The following CSMD3 variants were observed in gnomAD, a reference collection of about 807,000 sequenced individuals.
The protein encoded by CSMD3 is CUB and sushi domain-containing protein 3.
A neutral mutation model predicts 435.2 loss-of-function variants in CSMD3; 177 were observed. The ratio of observed to expected loss-of-function variants is 0.41; its 90% CI spans 0.36 to 0.46. The LOEUF (loss-of-function observed/expected upper bound fraction) is 0.46. CSMD3 is among the 20% of genes least tolerant of loss of function. CSMD3 has a pLI of 0.34. For missense variants in CSMD3, 4,265 were observed against 4,504.6 expected (o/e 0.95, Z 1.52); for synonymous variants, 1,656 against 1,520.5 (o/e 1.09, Z -2.07).
chr8:112,859,293 A>T lies in CSMD3; in HGVS notation c.1634-27T>A, dbSNP rs1400632799. ...TAAAAGAGAAATTGCATTTTAAAAG[A>T]TGAACATATGTCACATGTAAAATTA... On this transcript the variant is annotated intron_variant, in intron 10 of 70. Transcript: ENST00000297405. 7 of 1,593,878 alleles carry T rather than the reference A, an allele frequency of 4.4e-6. No individual in the cohort carries two copies. In the African/African-American group the frequency reaches 6.7e-5, roughly 15 times the overall value.
At chr8:113,101,069 A>C (rs1032582950) in intron 4 of CSMD3, among the ~76,000 whole-genome samples, 2 of 152,088 alleles carry the variant, frequency 1.3e-5, no homozygotes, top group Non-Finnish European at 2.9e-5. Flanking sequence ...TCCTAACACT[A>C]ATTTGGCACT....
At chr8:112,598,551 A>C (rs1355878107) in intron 22 of CSMD3, among the ~76,000 whole-genome samples, 1 of 150,886 alleles carries the variant, frequency 6.6e-6, no homozygotes, top group Non-Finnish European at 1.5e-5. Context: ...AAAAGAGCCC[A>C]CATCGCCAAG....
intron 59 of CSMD3, among the ~76,000 whole-genome samples, chr8:112,275,674 A>G (rs1817977581): frequency 6.6e-6 from 1 of 152,182 alleles, no homozygotes; most frequent in African/African-American, 2.4e-5. Flanking sequence ...AAGAATGAGA[A>G]CCAAGCAAAA....
intron 13 of CSMD3, among the ~76,000 whole-genome samples, chr8:112,745,907 G>A (rs1478169423): frequency 6.6e-6 from 1 of 151,992 alleles, no homozygotes; most frequent in African/African-American, 2.4e-5. Context: ...AAGAACTAAA[G>A]AAACATTTTG....
chr8:112,798,119 T>C (rs1263442601), intron 13 of CSMD3, among the ~76,000 whole-genome samples: 1 of 151,828 alleles, frequency 6.6e-6, no homozygotes, highest in Non-Finnish European at 1.5e-5. Flanking sequence ...GAAGTCTTCA[T>C]AGAAGAGTAA....
intron 10 of CSMD3, among the ~76,000 whole-genome samples, chr8:112,892,107 T>C (rs1048896386): frequency 6.6e-6 from 1 of 151,660 alleles, no homozygotes; most frequent in Admixed American, 6.6e-5. Flanking sequence ...TATTTGTTTA[T>C]ATTTTCCATT....
At chr8:112,594,076 C>T (rs996948961) in intron 22 of CSMD3, among the ~76,000 whole-genome samples, 22 of 152,200 alleles carry the variant, frequency 1.4e-4, no homozygotes, top group Admixed American at 4.6e-4. Flanking sequence ...ACGCAGAACA[C>T]GGGTGATTTC....
At chr8:113,087,075 TAA>T (rs1588045989) in intron 5 of CSMD3, among the ~76,000 whole-genome samples, 1 of 152,202 alleles carries the variant, frequency 6.6e-6, no homozygotes. Context: ...TTTATTTTTT[TAA>T]GAGTCATTTT....
At chr8:113,270,742 G>A (rs549823553) in intron 3 of CSMD3, among the ~76,000 whole-genome samples, 4 of 151,270 alleles carry the variant, frequency 2.6e-5, no homozygotes, top group African/African-American at 4.9e-5. Context: ...ACCAAACACC[G>A]CATGTTCTCA....
intron 13 of CSMD3, among the ~76,000 whole-genome samples, chr8:112,739,415 C>G (rs966353208): frequency 2.6e-5 from 4 of 151,748 alleles, no homozygotes; most frequent in African/African-American, 9.7e-5. Flanking sequence ...CTAGAGCACC[C>G]TGCACTCTTC....
At chr8:113,307,440 A>G (rs1250202744) in intron 2 of CSMD3, among the ~76,000 whole-genome samples, 4 of 152,152 alleles carry the variant, frequency 2.6e-5, no homozygotes, top group Non-Finnish European at 4.4e-5. Context: ...CCTTCAGAAG[A>G]AAATACAGGA....
chr8:113,066,897 T>C (rs1216529365), intron 5 of CSMD3, among the ~76,000 whole-genome samples: 1 of 152,066 alleles, frequency 6.6e-6, no homozygotes, highest in Non-Finnish European at 1.5e-5. Flanking sequence ...TATTCCATAA[T>C]ACATTAGATC....
At chr8:112,673,047 G>A (rs1443183218) in intron 16 of CSMD3, among the ~76,000 whole-genome samples, 3 of 152,002 alleles carry the variant, frequency 2.0e-5, no homozygotes, top group African/African-American at 4.8e-5. Flanking sequence ...TTTTGCCATA[G>A]GTGAATTAAA....
chr8:113,339,049 ACTTC>A (rs1433834019), intron 1 of CSMD3, among the ~76,000 whole-genome samples: 2 of 151,990 alleles, frequency 1.3e-5, no homozygotes, highest in African/African-American at 4.8e-5. Flanking sequence ...ACAACTTAGC[ACTTC>A]CTTTGTGCAA....
intron 10 of CSMD3, among the ~76,000 whole-genome samples, chr8:112,908,510 C>G (rs1404899548): frequency 6.6e-6 from 1 of 151,470 alleles, no homozygotes; most frequent in Non-Finnish European, 1.5e-5. Context: ...TCACTATTGT[C>G]TTTCTTAGTT....
intron 5 of CSMD3, among the ~76,000 whole-genome samples, chr8:113,023,120 T>G (rs895492741): frequency 1.3e-5 from 2 of 152,076 alleles, no homozygotes; most frequent in Non-Finnish European, 2.9e-5. Flanking sequence ...ACCGCTTTTA[T>G]TATAAGATAA....
intron 30 of CSMD3, among the ~76,000 whole-genome samples, chr8:112,497,315 G>A (rs940008752): frequency 1.3e-5 from 2 of 152,000 alleles, no homozygotes; most frequent in South Asian, 2.1e-4. Context: ...GGTGACTACA[G>A]TTAACAATAA....
chr8:112,596,101 G>A (rs1831688080), intron 22 of CSMD3, among the ~76,000 whole-genome samples: 1 of 151,570 alleles, frequency 6.6e-6, no homozygotes. Context: ...ACCCATCAAT[G>A]TGCTGTATTC....
At chr8:112,879,250 G>T (rs7002741) in intron 10 of CSMD3, among the ~76,000 whole-genome samples, 9,297 of 152,144 alleles carry the variant, frequency 0.061, 964 homozygotes, top group African/African-American at 0.21. Context: ...GCCGCTCTAG[G>T]AGTATCTGCC....
Sources: allele counts gnomAD v4.1 joint callset (sites outside exome capture counted in the v4.1 genomes callset), GRCh38; gene constraint gnomAD v4.1.1; transcripts MANE v1.5; gene names NCBI Gene and HGNC (gene_info 2026-07-23, HGNC 2026-07-21).